NCOA5: variants seen among roughly 807,000 people sequenced by gnomAD.
The protein encoded by NCOA5 is NCoA-5.
In NCOA5, 12 loss-of-function variants were observed where a neutral mutation model predicts 59.0. That is an observed-to-expected ratio of 0.20 (90% confidence interval 0.13 to 0.33). NCOA5 has a LOEUF of 0.33. Among genes scored for constraint, NCOA5 ranks in the 10% least tolerant of loss-of-function variants. NCOA5 has a pLI of 1.00. For missense variants in NCOA5, 655 were observed against 766.6 expected (o/e 0.85, Z 1.72); for synonymous variants, 270 against 275.5 (o/e 0.98, Z 0.20).
chr20:46,079,330 C>T, intron 2 of NCOA5, 57 bp downstream of exon 2: 3 of 1,568,910 alleles, frequency 1.9e-6, no homozygotes, highest in Non-Finnish European at 8.8e-7. Context: ...CGAAGCTGGG[C>T]TTAACTCCCC....
intron 2 of NCOA5, among the ~76,000 whole-genome samples, chr20:46,078,358 T>A (rs1303122252): frequency 6.6e-6 from 1 of 152,348 alleles, no homozygotes; most frequent in East Asian, 1.9e-4. Context: ...CTGTATGTTA[T>A]GCGTAATGCT....
chr20:46,063,883 T>G (rs1405671052), intron 6 of NCOA5, among the ~76,000 whole-genome samples: 1 of 152,034 alleles, frequency 6.6e-6, no homozygotes, highest in Non-Finnish European at 1.5e-5. Flanking sequence ...GGTGAGGAGA[T>G]GCACCTTTAT....
At chr20:46,081,503 A>T (rs2084991805) in intron 1 of NCOA5, among the ~76,000 whole-genome samples, 1 of 152,152 alleles carries the variant, frequency 6.6e-6, no homozygotes, top group African/African-American at 2.4e-5. Context: ...GTAATTACTT[A>T]AAAGATTAAA....
chr20:46,065,090 G>A lies in NCOA5; in HGVS notation c.768C>T (p.Ile256=). ...AGCGGTGAATCTGGTGTTGCTGGGT[G>A]ATGACAATAGCAAAAGGAGAACCTC... ...SRGGSPFAIV[I]TQQHQIHRSC... The change falls in exon 6 of 8, where the codon ATC becomes ATT. Residue 256 remains isoleucine (I), a synonymous_variant. Coordinates refer to ENST00000290231, the MANE Select transcript of NCOA5 (RefSeq NM_020967.3). 6.2e-7 allele frequency: 1 copy of A among 1,614,184 alleles called. No homozygotes were observed. Among genetic ancestry groups the A allele is most frequent in the Non-Finnish European group, 8.5e-7 (1 of 1,180,038 alleles).
chr20:46,081,160 A>G (rs1028374215), intron 1 of NCOA5, among the ~76,000 whole-genome samples: 2 of 152,126 alleles, frequency 1.3e-5, no homozygotes, highest in African/African-American at 4.8e-5. Context: ...AAAAATATAC[A>G]TAACATAACT....
intron 4 of NCOA5, among the ~76,000 whole-genome samples, 188 bp downstream of exon 4, chr20:46,068,314 C>T (rs1012415075): frequency 2.0e-5 from 3 of 152,204 alleles, no homozygotes; most frequent in Non-Finnish European, 2.9e-5. Context: ...TACTAATTTG[C>T]ATCTTAAAAA....
chr20:46,064,983 G>T (rs754936460), intron 6 of NCOA5, 46 bp downstream of exon 6: 2 of 1,595,596 alleles, frequency 1.3e-6, no homozygotes, highest in Non-Finnish European at 1.7e-6. Context: ...AGGCATAAAG[G>T]ACTAATAATG....
chr20:46,085,572 G>A (rs565304166), intron 1 of NCOA5, among the ~76,000 whole-genome samples: 1 of 152,176 alleles, frequency 6.6e-6, no homozygotes, highest in Admixed American at 6.5e-5. Context: ...AGGAATGAGT[G>A]GGAGTTTACC....
intron 1 of NCOA5, among the ~76,000 whole-genome samples, chr20:46,084,397 G>C (rs1600634411): frequency 1.3e-5 from 2 of 152,250 alleles, no homozygotes; most frequent in South Asian, 4.1e-4. Context: ...ATGGAACCTG[G>C]AAAAGGTCCA....
At chr20:46,085,096 T>C (rs916470356) in intron 1 of NCOA5, among the ~76,000 whole-genome samples, 1 of 152,180 alleles carries the variant, frequency 6.6e-6, no homozygotes, top group Non-Finnish European at 1.5e-5. Flanking sequence ...AGTGGCTCGA[T>C]CATAACTCAC....
At position 46,062,274 on chromosome 20, in the gene NCOA5, A is replaced by C. The variant is rs755771521; in HGVS notation, c.*26T>G. On this transcript the variant is annotated 3_prime_UTR_variant, in exon 8 of 8. Coordinates refer to ENST00000290231, the MANE Select transcript of NCOA5 (RefSeq NM_020967.3). ...TGGGAGGAGGCCAGGGGATGAGGGG[A>C]CTGGGGAGAGTTGAAAGATTTAGCT... 3.8e-6 allele frequency: 6 copies of C among 1,576,458 alleles called. No individual in the cohort carries two copies. The highest frequency in any genetic ancestry group is 5.2e-6 in the Non-Finnish European group (6 of 1,151,742).
Position 46,062,508 on chromosome 20 carries a change from T to C in NCOA5, c.1532A>G (p.Gln511Arg), listed in dbSNP as rs758235130. The change falls in exon 8 of 8, where the codon CAG (glutamine) becomes CGG (arginine). Residue 511 changes from glutamine (Q) to arginine (R), a missense_variant. Physicochemically the swap from Gln to Arg is conservative, Grantham distance 43 (BLOSUM62 1). Coordinates refer to ENST00000290231, the MANE Select transcript of NCOA5 (RefSeq NM_020967.3). ...AGCAGGTGCCAGGCGACTGGAAGGC[T>C]GGCCAAAAAGCCCTTGGGAAGGAGC... ...PGAPSQGLFG[Q>R]PSSRLAPASN... 3.1e-5 allele frequency: 50 copies of C among 1,614,038 alleles called. No individual in the cohort carries two copies. Among genetic ancestry groups the C allele is most frequent in the Non-Finnish European group, 4.1e-5 (48 of 1,180,036 alleles).
At chr20:46,063,035 CATG>C (rs945068962) in intron 7 of NCOA5, 146 bp from the exon 8 acceptor site, 59 of 739,212 alleles carry the variant, frequency 8.0e-5, no homozygotes, top group Non-Finnish European at 1.1e-4. Flanking sequence ...GAGGCCGCTT[CATG>C]ATATGTGCTG....
intron 4 of NCOA5, among the ~76,000 whole-genome samples, chr20:46,067,975 G>A (rs898255105): frequency 6.6e-6 from 1 of 151,636 alleles, no homozygotes; most frequent in Non-Finnish European, 1.5e-5. Context: ...CTGTCACCCA[G>A]GCTGGAGTGC....
intron 1 of NCOA5, among the ~76,000 whole-genome samples, chr20:46,080,477 G>T (rs920377764): frequency 4.6e-5 from 7 of 152,034 alleles, no homozygotes; most frequent in Non-Finnish European, 8.8e-5. Context: ...ACATCAAATG[G>T]TATTAAGTAC....
At position 46,062,553 on chromosome 20, in the gene NCOA5, T is replaced by A; in HGVS notation, c.1487A>T (p.Asn496Ile). 1 of 1,614,212 alleles carries A rather than the reference T, an allele frequency of 6.2e-7. No homozygotes were observed. Among genetic ancestry groups the A allele is most frequent in the Non-Finnish European group, 8.5e-7 (1 of 1,180,036 alleles). ...AGGAGCCCCAGGTCTGGGGCCCATG[T>A]TCTGAGCAGATCCTCCCTGTCCCAA... ...SILGQGGSAQNMGPRPGAPSQ... is the reference protein window; with the variant it reads ...SILGQGGSAQIMGPRPGAPSQ... The change falls in exon 8 of 8, where the codon AAC becomes ATC. Residue 496 changes from asparagine (N) to isoleucine (I), a missense_variant. This residue lies in a region of NCOA5 where 325 missense variants were observed against 353.2 expected (regional missense o/e 0.92). Transcript: ENST00000290231.
chr20:46,082,430 T>G (rs2085001446), intron 1 of NCOA5, among the ~76,000 whole-genome samples: 1 of 152,040 alleles, frequency 6.6e-6, no homozygotes, highest in Non-Finnish European at 1.5e-5. Context: ...TGGAGAAAAA[T>G]TAATCAACAA....
At chr20:46,064,982 G>A (rs1568876910) in intron 6 of NCOA5, 47 bp downstream of exon 6, 3 of 1,595,386 alleles carry the variant, frequency 1.9e-6, no homozygotes, top group Non-Finnish European at 2.6e-6. Flanking sequence ...AAGGCATAAA[G>A]GACTAATAAT....
rs1192769104 is a variant in NCOA5, at chr20:46,070,390, T to A, written c.185A>T (p.Asp62Val). 4 of 1,613,352 alleles carry A rather than the reference T, an allele frequency of 2.5e-6. No individual in the cohort carries two copies. Among genetic ancestry groups the A allele is most frequent in the Non-Finnish European group, 3.4e-6 (4 of 1,179,884 alleles). The part of the protein sequence containing the change: ...RDIRDPRDLR[D>V]HRHSRDLRDH... The stretch of plus-strand genomic sequence containing the variant: ...CCGCAAATCTCTACTATGTCTGTGG[T>A]CCCGCAAGTCTCGGGGGTCTCGAAT... Residue 62 changes from aspartate to valine, a missense_variant, in exon 3 of 8, where the codon GAC (aspartate) becomes GTC (valine). By Grantham distance (152) the Asp-to-Val change is radical (BLOSUM62 -3). Around this residue, in one of 3 missense-constraint regions of NCOA5, gnomAD observed 250 missense variants for 260.1 expected, o/e 0.96. Coordinates refer to ENST00000290231, the MANE Select transcript of NCOA5 (RefSeq NM_020967.3).
Sources: gnomAD v4.1 joint callset for allele counts (sites outside exome capture counted in the v4.1 genomes callset) on GRCh38, gnomAD v4.1.1 for gene constraint, gnomAD v4.1.1 regional missense constraint, MANE v1.5 for transcripts, NCBI Gene and HGNC (gene_info 2026-07-23, HGNC 2026-07-21) for gene names.